FRYL: variants seen among roughly 807,000 people sequenced by gnomAD.
FRYL encodes the protein FRY like transcription coactivator.
In FRYL, 150 loss-of-function variants were observed where a neutral mutation model predicts 351.2. The observed-to-expected ratio is 0.43, with a 90% CI of 0.37 to 0.49. The LOEUF (loss-of-function observed/expected upper bound fraction) is 0.49, where lower values mean the gene tolerates loss of function less well. FRYL is among the 20% of genes least tolerant of loss of function. The pLI is 0.00. For synonymous variants in FRYL, 1,153 were observed against 1,257.1 expected (o/e 0.92, Z 1.75); for missense variants, 3,036 against 3,619.3 (o/e 0.84, Z 4.13).
chr4:48,514,103 T>C (rs1223237975), intron 56 of FRYL, among the ~76,000 whole-genome samples: 2 of 152,178 alleles, frequency 1.3e-5, no homozygotes, highest in African/African-American at 4.8e-5. Context: ...CTCCAATGTG[T>C]TGTATGTGTT....
intron 1 of FRYL, among the ~76,000 whole-genome samples, chr4:48,770,104 A>G (rs775724150): frequency 6.6e-6 from 1 of 152,230 alleles, no homozygotes; most frequent in Non-Finnish European, 1.5e-5. Flanking sequence ...AGCACATTAA[A>G]GAACATGAAA....
chr4:48,668,198 A>G (rs983666380), intron 3 of FRYL, among the ~76,000 whole-genome samples: 1 of 152,194 alleles, frequency 6.6e-6, no homozygotes, highest in Non-Finnish European at 1.5e-5. Context: ...TGTGGCCTGC[A>G]AAGCCTAAAA....
intron 1 of FRYL, among the ~76,000 whole-genome samples, chr4:48,765,010 A>T (rs1774804685): frequency 6.6e-6 from 1 of 152,082 alleles, no homozygotes; most frequent in Non-Finnish European, 1.5e-5. Flanking sequence ...ATGCCCAGCT[A>T]ATTTTTGAAT....
At chr4:48,750,483 GAAAT>G (rs760204626) in intron 1 of FRYL, among the ~76,000 whole-genome samples, 4 of 151,846 alleles carry the variant, frequency 2.6e-5, no homozygotes, top group Admixed American at 6.6e-5. Flanking sequence ...AATAAAAAAA[GAAAT>G]AAAAGAAAAA....
chr4:48,514,016 A>T (rs1723018680), intron 56 of FRYL, among the ~76,000 whole-genome samples: 1 of 152,222 alleles, frequency 6.6e-6, no homozygotes, highest in Non-Finnish European at 1.5e-5. Context: ...TGTATCACTA[A>T]GATTTATTGT....
At chr4:48,708,093 T>C (rs1290153071) in intron 2 of FRYL, among the ~76,000 whole-genome samples, 6 of 151,906 alleles carry the variant, frequency 3.9e-5, no homozygotes, top group African/African-American at 7.3e-5. Flanking sequence ...GTGCTGGGAT[T>C]ACAGGTGTGA....
intron 17 of FRYL, among the ~76,000 whole-genome samples, chr4:48,590,315 C>T (rs1305027902): frequency 6.6e-6 from 1 of 152,026 alleles, no homozygotes; most frequent in Non-Finnish European, 1.5e-5. Context: ...AAAACCCCAT[C>T]TCTACTAAAA....
chr4:48,722,296 C>T (rs112489345), intron 1 of FRYL, among the ~76,000 whole-genome samples: 58 of 152,230 alleles, frequency 3.8e-4, no homozygotes, highest in Non-Finnish European at 7.4e-4. Context: ...ACTATATTTA[C>T]CAAAATACAG....
chr4:48,516,095 G>T (rs1723536140), intron 55 of FRYL, among the ~76,000 whole-genome samples: 1 of 152,082 alleles, frequency 6.6e-6, no homozygotes, highest in African/African-American at 2.4e-5. Context: ...TCTCATTTTG[G>T]CTTTGAGTAT....
intron 3 of FRYL, among the ~76,000 whole-genome samples, chr4:48,684,448 T>C (rs1560857290): frequency 1.3e-5 from 2 of 152,156 alleles, no homozygotes; most frequent in Non-Finnish European, 2.9e-5. Context: ...GTAATGAAAC[T>C]GTATTTATTA....
intron 49 of FRYL, among the ~76,000 whole-genome samples, chr4:48,531,772 G>A (rs986498594): frequency 3.3e-5 from 5 of 152,042 alleles, no homozygotes; most frequent in Non-Finnish European, 5.9e-5. Context: ...ATTTTTTAAC[G>A]AATACCTTCC....
intron 45 of FRYL, 29 bp from the exon 46 acceptor site, chr4:48,540,989 C>T: frequency 6.8e-7 from 1 of 1,469,308 alleles, no homozygotes; most frequent in South Asian, 1.6e-5. Flanking sequence ...TAGATGAATG[C>T]ATACCCAGTC....
chr4:48,526,404 G>C (rs1175363936), intron 53 of FRYL, among the ~76,000 whole-genome samples: 1 of 152,092 alleles, frequency 6.6e-6, no homozygotes, highest in Non-Finnish European at 1.5e-5. Context: ...AGACAACCAG[G>C]GTAATCCTAT....
chr4:48,642,982 T>A (rs1422351575), intron 3 of FRYL, among the ~76,000 whole-genome samples: 1 of 152,138 alleles, frequency 6.6e-6, no homozygotes, highest in Non-Finnish European at 1.5e-5. Context: ...CTACCATGAG[T>A]ATGTGTAAGA....
rs1560572837 is a variant in FRYL, at chr4:48,544,007, C to A, written c.5402-10G>T. 1 of 1,611,648 alleles carries A rather than the reference C, an allele frequency of 6.2e-7. No homozygotes were observed. ...TCCAGATGAATTCCTTCTGTGAATGCAAAGGAAACGAGTAGGTTGTTCTTG... is the reference window on the plus strand; with the variant it reads ...TCCAGATGAATTCCTTCTGTGAATGAAAAGGAAACGAGTAGGTTGTTCTTG... On this transcript the variant is annotated splice_polypyrimidine_tract_variant and intron_variant, in intron 43 of 63. Coordinates refer to ENST00000358350, the MANE Select transcript of FRYL (RefSeq NM_015030.2).
At chr4:48,530,682 C>CTTTCT (rs963755130) in intron 50 of FRYL, among the ~76,000 whole-genome samples, 3 of 152,152 alleles carry the variant, frequency 2.0e-5, no homozygotes, top group African/African-American at 7.2e-5. Flanking sequence ...GAACACCATG[C>CTTTCT]TTTCTCACGC....
At chr4:48,605,475 T>C (rs1393221543) in intron 11 of FRYL, among the ~76,000 whole-genome samples, 4 of 152,200 alleles carry the variant, frequency 2.6e-5, no homozygotes, top group African/African-American at 9.7e-5. Context: ...AAGAATGTAA[T>C]TAATCTCCAT....
chr4:48,768,929 A>G (rs1317169217), intron 1 of FRYL, among the ~76,000 whole-genome samples: 8 of 152,186 alleles, frequency 5.3e-5, no homozygotes, highest in Non-Finnish European at 8.8e-5. Context: ...CCAGGAGTTC[A>G]AGACCAGCCT....
chr4:48,594,179 TATAAG>T (rs1744117625), intron 15 of FRYL, among the ~76,000 whole-genome samples, 163 bp from the exon 16 acceptor site: 1 of 55,342 alleles, frequency 1.8e-5, no homozygotes, highest in Non-Finnish European at 5.5e-5. Flanking sequence ...AATACATGAT[TATAAG>T]TATATTATTT....
Sources: allele counts gnomAD v4.1 joint callset (sites outside exome capture counted in the v4.1 genomes callset), GRCh38; gene constraint gnomAD v4.1.1; transcripts MANE v1.5; gene names NCBI Gene and HGNC (gene_info 2026-07-23, HGNC 2026-07-21).